DZANK1: variants seen among roughly 807,000 people sequenced by gnomAD.
The protein encoded by DZANK1 is double zinc ribbon and ankyrin repeat-containing protein 1.
DZANK1 carries 91 observed loss-of-function variants against 94.5 expected under a neutral mutation model. The observed-to-expected ratio is 0.96, with a 90% CI of 0.81 to 1.15. The LOEUF is 1.15. DZANK1 is among the 50% of genes most tolerant of loss of function. The probability of loss-of-function intolerance (pLI) is 0.00; values close to 1 mark genes in which losing one functional copy is unlikely to be tolerated. For synonymous variants in DZANK1, 312 were observed against 325.3 expected (o/e 0.96, Z 0.44); for missense variants, 903 against 916.4 (o/e 0.99, Z 0.19).
intron 7 of DZANK1, among the ~76,000 whole-genome samples, chr20:18,447,903 T>C (rs927038072): frequency 3.3e-5 from 5 of 152,296 alleles, no homozygotes; most frequent in Admixed American, 2.6e-4. Flanking sequence ...TAAAAAAATA[T>C]ATACCTATCA....
chr20:18,457,700 C>T (rs1022444044), intron 3 of DZANK1, among the ~76,000 whole-genome samples: 1 of 152,168 alleles, frequency 6.6e-6, no homozygotes, highest in African/African-American at 2.4e-5. Context: ...AAGCAAAGCC[C>T]ACCCTTTCTC....
At chr20:18,402,823 C>T (rs550406543) in intron 13 of DZANK1, among the ~76,000 whole-genome samples, 1 of 152,292 alleles carries the variant, frequency 6.6e-6, no homozygotes, top group Admixed American at 6.5e-5. Flanking sequence ...AAGAATTTGC[C>T]ACTGCAAACA....
At chr20:18,455,318 C>G in exon 4 of DZANK1, 1 of 1,608,794 alleles carries the variant, frequency 6.2e-7, no homozygotes. Context: ...GGTTCATAGT[C>G]TACGTGAAAC....
intron 3 of DZANK1, among the ~76,000 whole-genome samples, chr20:18,457,831 TGCCTG>T (rs1286502291): frequency 3.9e-5 from 6 of 152,330 alleles, no homozygotes; most frequent in African/African-American, 1.4e-4. Flanking sequence ...GGCAACCATG[TGCCTG>T]GCTAAAAATC....
exon 21 of DZANK1, chr20:18,384,460 A>C: frequency 6.2e-7 from 1 of 1,612,140 alleles, no homozygotes; most frequent in South Asian, 1.1e-5. Context: ...CCCTTGGCCA[A>C]ACTTGGCAGC....
chr20:18,387,617 TG>T, intron 19 of DZANK1, among the ~76,000 whole-genome samples: 1 of 152,350 alleles, frequency 6.6e-6, no homozygotes, highest in East Asian at 1.9e-4. Flanking sequence ...AGCATTTCTC[TG>T]GGCCTCTCAC....
In DZANK1 at chr20:18,389,109, G is replaced by C. The variant is rs1325795934; in HGVS notation, c.2018+592C>G. 4.6e-5 allele frequency among the ~76,000 whole-genome samples: 7 copies of C among 152,202 alleles called. No individual in the cohort carries two copies. The South Asian group carries it at 8.3e-4, about 18-fold the overall frequency. ...CAAAGTACTTTTTGAAAGAACAACA[G>C]AAGCACACAGCTAGAAGAGAAGGTT... On this transcript the variant is annotated intron_variant, in intron 19 of 20. Transcript: ENST00000262547.
intron 8 of DZANK1, among the ~76,000 whole-genome samples, chr20:18,435,628 A>G (rs2058489095): frequency 6.6e-6 from 1 of 152,146 alleles, no homozygotes; most frequent in South Asian, 2.1e-4. Flanking sequence ...AAGCATTAGG[A>G]CAAATACCTA....
At chr20:18,411,462 C>T (rs888534458) in intron 13 of DZANK1, among the ~76,000 whole-genome samples, 1 of 151,998 alleles carries the variant, frequency 6.6e-6, no homozygotes, top group African/African-American at 2.4e-5. Flanking sequence ...TCTGAACAGA[C>T]CTATAAAAAG....
At chr20:18,384,706 G>T in intron 20 of DZANK1, 142 bp from the exon 21 acceptor site, 1 of 892,042 alleles carries the variant, frequency 1.1e-6, no homozygotes, top group Non-Finnish European at 1.7e-6. Flanking sequence ...AGGTCACAGT[G>T]ACTTCAGTTC....
chr20:18,434,876 C>T (rs1306131224), intron 8 of DZANK1, among the ~76,000 whole-genome samples: 1 of 152,108 alleles, frequency 6.6e-6, no homozygotes, highest in Non-Finnish European at 1.5e-5. Context: ...CCAGTGGTCC[C>T]CTAGTCTGAG....
chr20:18,388,733 G>A (rs943656045), intron 19 of DZANK1, among the ~76,000 whole-genome samples: 1 of 152,164 alleles, frequency 6.6e-6, no homozygotes, highest in Non-Finnish European at 1.5e-5. Flanking sequence ...ACATTCTGCT[G>A]TAAAATAAAA....
intron 9 of DZANK1, among the ~76,000 whole-genome samples, chr20:18,430,027 T>G (rs2058219610): frequency 6.6e-6 from 1 of 152,240 alleles, no homozygotes; most frequent in South Asian, 2.1e-4. Flanking sequence ...ACTGAATAGT[T>G]GAATGATTCT....
At chr20:18,414,041 AC>A (rs1750144605) in intron 12 of DZANK1, among the ~76,000 whole-genome samples, 1 of 152,180 alleles carries the variant, frequency 6.6e-6, no homozygotes, top group Non-Finnish European at 1.5e-5. Flanking sequence ...AATCTTATAT[AC>A]CCTAAGCTTT....
At chr20:18,413,741 T>C (rs971784535) in intron 12 of DZANK1, among the ~76,000 whole-genome samples, 3 of 151,924 alleles carry the variant, frequency 2.0e-5, no homozygotes, top group Admixed American at 6.6e-5. Context: ...AATTGCACCA[T>C]TGCACTCCAG....
intron 10 of DZANK1, among the ~76,000 whole-genome samples, chr20:18,426,226 T>C (rs2058037854): frequency 1.3e-5 from 2 of 152,220 alleles, no homozygotes; most frequent in South Asian, 4.1e-4. Flanking sequence ...GGGATCTAGG[T>C]TGCGCGTTCC....
chr20:18,419,712 A>G (rs866607491), intron 10 of DZANK1, among the ~76,000 whole-genome samples: 1 of 152,206 alleles, frequency 6.6e-6, no homozygotes, highest in Non-Finnish European at 1.5e-5. Context: ...TGAAGTTGAA[A>G]TAAAGACATT....
chr20:18,452,494 C>A, intron 6 of DZANK1, 121 bp downstream of exon 6: 4 of 1,175,836 alleles, frequency 3.4e-6, no homozygotes, highest in South Asian at 1.7e-5. Context: ...GTATTCCCAG[C>A]ACTAGAACAG....
intron 10 of DZANK1, chr20:18,421,295 GACT>G (rs1237796382): frequency 6.8e-5 from 12 of 177,278 alleles, no homozygotes; most frequent in Admixed American, 6.8e-4. Flanking sequence ...CAATTAATAT[GACT>G]ACTAGGATTC....
Sources: allele counts gnomAD v4.1 joint callset (sites outside exome capture counted in the v4.1 genomes callset), GRCh38; gene constraint gnomAD v4.1.1; transcripts MANE v1.5; gene names NCBI Gene and HGNC (gene_info 2026-07-23, HGNC 2026-07-21).